TEX11: variants seen among roughly 807,000 people sequenced by gnomAD.
The protein encoded by TEX11 is testis-expressed protein 11.
In TEX11, 7 loss-of-function variants were observed where a neutral mutation model predicts 84.4. That is an observed-to-expected ratio of 0.08 (90% CI 0.05 to 0.16). TEX11 has a LOEUF of 0.16. Among genes scored for constraint, TEX11 ranks in the 10% least tolerant of loss-of-function variants. The pLI, the probability that TEX11 is intolerant of heterozygous loss-of-function variation, is 1.00. For synonymous variants in TEX11, 264 were observed against 222.8 expected (o/e 1.18, Z -1.64); for missense variants, 551 against 660.5 (o/e 0.83, Z 1.82).
At chrX:70,814,314 C>T (rs942805093) in intron 8 of TEX11, among the ~76,000 whole-genome samples, 2 of 111,487 alleles carry the variant, frequency 1.8e-5, no homozygotes, top group African/African-American at 3.3e-5. Context: ...TACAACCATC[C>T]GATCTTTGAC....
intron 9 of TEX11, among the ~76,000 whole-genome samples, chrX:70,774,283 A>C (rs1303158579): frequency 9.1e-6 from 1 of 110,014 alleles, no homozygotes; most frequent in African/African-American, 3.3e-5. Flanking sequence ...TAAAAAAAAA[A>C]AAAAAACTGG....
intron 16 of TEX11, among the ~76,000 whole-genome samples, chrX:70,659,679 A>G (rs991686018): frequency 4.5e-5 from 5 of 112,254 alleles, no homozygotes; most frequent in African/African-American, 9.7e-5. Context: ...GAATTACCAC[A>G]TGATCCAATG....
intron 8 of TEX11, among the ~76,000 whole-genome samples, chrX:70,810,799 A>G (rs1380482354): frequency 9.0e-6 from 1 of 111,198 alleles, no homozygotes; most frequent in East Asian, 2.8e-4. Context: ...TTAAAAAAAA[A>G]AAGTAAACCC....
At chrX:70,756,272 G>A (rs947744097) in intron 9 of TEX11, among the ~76,000 whole-genome samples, 16 of 112,273 alleles carry the variant, frequency 1.4e-4, no homozygotes, top group African/African-American at 2.3e-4. Flanking sequence ...GGTTCTCCCA[G>A]CATGGTGTTC....
At chrX:70,598,778 A>G (rs1210860343) in intron 24 of TEX11, among the ~76,000 whole-genome samples, 2 of 112,394 alleles carry the variant, frequency 1.8e-5, no homozygotes, top group Non-Finnish European at 3.8e-5. Context: ...AGAAAAGACT[A>G]CACATCAAAA....
intron 11 of TEX11, among the ~76,000 whole-genome samples, chrX:70,736,322 C>T (rs1413676634): frequency 1.8e-5 from 2 of 110,958 alleles, no homozygotes; most frequent in Non-Finnish European, 3.8e-5. Context: ...TGAAGCAAGA[C>T]AACTAAGCCT....
intron 2 of TEX11, among the ~76,000 whole-genome samples, chrX:70,893,612 A>G (rs1441389450): frequency 8.9e-6 from 1 of 112,016 alleles, no homozygotes; most frequent in East Asian, 2.8e-4. Flanking sequence ...AAGTGCCCAC[A>G]TCGGAAAGCT....
chrX:70,746,334 C>T (rs2090767476), intron 9 of TEX11, among the ~76,000 whole-genome samples: 1 of 111,130 alleles, frequency 9.0e-6, no homozygotes, highest in Non-Finnish European at 1.9e-5. Context: ...CTTTTCTTTG[C>T]CCACTCAGCT....
At chrX:70,752,217 T>C (rs2090831401) in intron 9 of TEX11, among the ~76,000 whole-genome samples, 1 of 111,046 alleles carries the variant, frequency 9.0e-6, no homozygotes, top group Non-Finnish European at 1.9e-5. Context: ...CATACTTGAG[T>C]TTTTAAACAT....
In TEX11 at chrX:70,846,354, T is replaced by A. The variant is rs188976367; in HGVS notation, c.525+6680A>T. 6 of 112,365 alleles carry A rather than the reference T, an allele frequency of 5.3e-5. No homozygotes were observed. The East Asian group carries it at 1.7e-3, about 31-fold the overall frequency. The allele number at this position is 112,365 out of a possible 1,213,427, so 9.3% of individuals were successfully genotyped here. On this transcript the variant is annotated intron_variant, in intron 7 of 29. Coordinates refer to ENST00000374333, the MANE Select transcript of TEX11 (RefSeq NM_031276.3). ...CAGTGATGAATAAAAAGATGACTAGTCTGTATGCTAGTGCCACTATCCTGA... is the reference window on the plus strand; with the variant it reads ...CAGTGATGAATAAAAAGATGACTAGACTGTATGCTAGTGCCACTATCCTGA...
chrX:70,576,196 A>G (rs995580328), intron 25 of TEX11, among the ~76,000 whole-genome samples: 1 of 112,056 alleles, frequency 8.9e-6, no homozygotes, highest in Non-Finnish European at 1.9e-5. Flanking sequence ...CTGTTTATAC[A>G]GCTCTTAATT....
At chrX:70,696,470 T>G (rs1254651962) in intron 13 of TEX11, among the ~76,000 whole-genome samples, 4 of 112,028 alleles carry the variant, frequency 3.6e-5, no homozygotes, top group Non-Finnish European at 7.5e-5. Context: ...ACAAACTTAG[T>G]GATTTAAAAC....
chrX:70,753,285 C>G (rs1469089701), intron 9 of TEX11, among the ~76,000 whole-genome samples: 2 of 110,810 alleles, frequency 1.8e-5, no homozygotes, highest in East Asian at 2.8e-4. Flanking sequence ...GATATCACCT[C>G]TCTCCTAACC....
chrX:70,814,210 G>A lies in TEX11; in HGVS notation c.607-7420C>T, dbSNP rs1456070667. ...CACCTGACTTCAAACTATACTACAAGGCTACAGTAACCAAAACAGCATGGT... is the reference window on the plus strand; with the variant it reads ...CACCTGACTTCAAACTATACTACAAAGCTACAGTAACCAAAACAGCATGGT... On this transcript the variant is annotated intron_variant, in intron 8 of 29. Transcript: ENST00000374333. Among the ~76,000 whole-genome samples, 3 of 111,696 alleles carry A rather than the reference G, an allele frequency of 2.7e-5. No homozygotes were observed. The East Asian group carries it at 8.4e-4, about 31-fold the overall frequency.
intron 4 of TEX11, among the ~76,000 whole-genome samples, chrX:70,870,194 G>A (rs780190984): frequency 5.5e-4 from 62 of 111,814 alleles, no homozygotes; most frequent in Middle Eastern, 4.7e-3. Flanking sequence ...TATTCCTTCC[G>A]AAATCCTCAA....
chrX:70,603,975 T>C (rs1374258562), intron 24 of TEX11, among the ~76,000 whole-genome samples: 1 of 112,075 alleles, frequency 8.9e-6, no homozygotes, highest in Non-Finnish European at 1.9e-5. Flanking sequence ...AAGGCAGAAG[T>C]GCATCTTCAA....
chrX:70,593,276 G>GT (rs2088960987), intron 24 of TEX11, among the ~76,000 whole-genome samples: 1 of 111,712 alleles, frequency 9.0e-6, no homozygotes, highest in African/African-American at 3.3e-5. Context: ...TCTTTGCACA[G>GT]GCAAAGACTG....
At chrX:70,695,212 T>G (rs2147674310) in intron 13 of TEX11, among the ~76,000 whole-genome samples, 1 of 111,960 alleles carries the variant, frequency 8.9e-6, no homozygotes, top group African/African-American at 3.2e-5. Context: ...GTCCTAAAAC[T>G]GAAAACAATC....
At chrX:70,739,002 CA>C (rs2090716015) in intron 11 of TEX11, among the ~76,000 whole-genome samples, 1 of 110,723 alleles carries the variant, frequency 9.0e-6, no homozygotes. Context: ...CTAATGCAGG[CA>C]AGGGCTTAAA....
Sources: gnomAD v4.1 joint callset for allele counts (sites outside exome capture counted in the v4.1 genomes callset) on GRCh38, gnomAD v4.1.1 for gene constraint, MANE v1.5 for transcripts, NCBI Gene and HGNC (gene_info 2026-07-23, HGNC 2026-07-21) for gene names.